Variants in GALNT15 observed in about 807,000 individuals in gnomAD.
GALNT15 encodes UDP-GalNAc transferase T15.
In GALNT15, 67 loss-of-function variants were observed where a neutral mutation model predicts 66.8. That is an observed-to-expected ratio of 1.00 (90% CI 0.82 to 1.23). GALNT15 has a LOEUF of 1.23. GALNT15 is among the 50% of genes most tolerant of loss of function. The pLI, the probability that GALNT15 is intolerant of heterozygous loss-of-function variation, is 0.00. For missense variants in GALNT15, 827 were observed against 804.3 expected, an observed-to-expected ratio of 1.03 and a Z score of -0.34; for synonymous variants, 313 against 311.5, an observed-to-expected ratio of 1.00 and a Z score of -0.05.
chr3:16,239,654 C>T, the GALNT15 span, among the ~76,000 whole-genome samples: 7 of 152,322 alleles, frequency 4.6e-5, no homozygotes, highest in South Asian at 1.4e-3. This position sits in a 1 kb window ranked among gnomAD's most constrained non-coding sequence, Gnocchi z 5.2. Flanking sequence ...ATTTCTTTTA[C>T]TGCACAGCTT....
Position 16,201,071 on chromosome 3 carries a change from G to A in GALNT15, c.911+248G>A, listed in dbSNP as rs778321834. Among the ~76,000 whole-genome samples, 29 of 152,212 alleles carry A rather than the reference G, an allele frequency of 1.9e-4. 1 individual carries two copies. Among genetic ancestry groups the A allele is most frequent in the Non-Finnish European group, 4.1e-4 (28 of 68,036 alleles). ...CCGAGGCCTGGAGAACAGCTTCTAT[G>A]AGGTTGCAAATACTTAAAATTGTAT... On this transcript the variant is annotated intron_variant, in intron 3 of 9. Transcript: ENST00000339732.
chr3:16,197,191 C>T (rs1403387602), intron 2 of GALNT15, among the ~76,000 whole-genome samples: 1 of 152,156 alleles, frequency 6.6e-6, no homozygotes, highest in Non-Finnish European at 1.5e-5. Context: ...ACGTCTGTGC[C>T]CCTCGGGAGT....
intron 4 of GALNT15, among the ~76,000 whole-genome samples, chr3:16,210,665 A>C (rs1194802407): frequency 1.3e-5 from 2 of 152,202 alleles, no homozygotes; most frequent in African/African-American, 4.8e-5. Flanking sequence ...TGGATTCATC[A>C]TAGAATTGGG....
the GALNT15 span, among the ~76,000 whole-genome samples, chr3:16,243,401 A>G: frequency 6.6e-6 from 1 of 152,218 alleles, no homozygotes. Context: ...GCCTTGCCAA[A>G]TGGCTCCCAG....
the GALNT15 span, among the ~76,000 whole-genome samples, chr3:16,244,246 A>G: frequency 1.3e-5 from 2 of 152,228 alleles, no homozygotes; most frequent in Non-Finnish European, 2.9e-5. Flanking sequence ...AAGGAAACTG[A>G]CAGAGCTCGC....
intron 1 of GALNT15, among the ~76,000 whole-genome samples, chr3:16,185,615 C>G (rs376654052): frequency 6.6e-6 from 1 of 152,152 alleles, no homozygotes; most frequent in Non-Finnish European, 1.5e-5. Flanking sequence ...AAGGAATCAG[C>G]GTAGACAGTG....
chr3:16,204,481 G>T lies in GALNT15; in HGVS notation c.911+3658G>T, dbSNP rs977010828. ...CTCCCTATGGGCAACTGATTTTAGG[G>T]CAGCCCTGGGAGATGCTGATTGATG... On this transcript the variant is annotated intron_variant, in intron 3 of 9. Transcript: ENST00000339732. This position sits in a 1 kb window ranked among gnomAD's most constrained non-coding sequence, Gnocchi z 4.5. Among the ~76,000 whole-genome samples, 2 of 152,102 alleles carry T rather than the reference G, an allele frequency of 1.3e-5. No individual in the cohort carries two copies. The highest frequency in any genetic ancestry group is 4.8e-5 in the African/African-American group (2 of 41,434).
intron 1 of GALNT15, among the ~76,000 whole-genome samples, chr3:16,194,365 C>T (rs911832925): frequency 3.3e-5 from 5 of 152,178 alleles, no homozygotes; most frequent in Admixed American, 6.5e-5. Context: ...GTCCTTTGCC[C>T]TCTTTTTAAT....
Position 16,188,855 on chromosome 3 carries a change from G to T in GALNT15, c.540-6905G>T, listed in dbSNP as rs888980640. Among the ~76,000 whole-genome samples, 3 of 152,020 alleles carry T rather than the reference G, an allele frequency of 2.0e-5. No homozygotes were observed. Among genetic ancestry groups the T allele is most frequent in the African/African-American group, 7.3e-5 (3 of 41,352 alleles). ...GGTCCTTAGCACCATTTCCCTCTCT[G>T]TCCTCACTTCCACCTCCCTCCTTGT... On this transcript the variant is annotated intron_variant, in intron 1 of 9. Transcript: ENST00000339732. This position sits in a 1 kb window ranked among gnomAD's most constrained non-coding sequence, Gnocchi z 4.6.
intron 1 of GALNT15, among the ~76,000 whole-genome samples, chr3:16,178,992 A>G (rs376177474): frequency 3.3e-5 from 5 of 152,234 alleles, no homozygotes; most frequent in Non-Finnish European, 7.3e-5. Context: ...CCCCCTGCCC[A>G]GGCCACAGGC....
At position 16,184,731 on chromosome 3, in the gene GALNT15, C is replaced by T. The variant is rs114506011; in HGVS notation, c.539+9041C>T. Among the ~76,000 whole-genome samples the T allele has an allele frequency of 0.02, 3,041 of 152,280 alleles. 111 individuals carry two copies. The highest frequency in any genetic ancestry group is 0.069 in the African/African-American group (2,857 of 41,542). On this transcript the variant is annotated intron_variant, in intron 1 of 9. Coordinates refer to ENST00000339732, the MANE Select transcript of GALNT15 (RefSeq NM_054110.5). This position sits in a 1 kb window ranked among gnomAD's most constrained non-coding sequence, Gnocchi z 5.0. ...AAGCACGGGTAGGGGCTCAGGAAAG[C>T]GGAGCAGAGATGCCTGAGAGAGGCA... is the stretch of plus-strand genomic sequence containing the variant.
In GALNT15 at chr3:16,209,207, G is replaced by A. The variant is rs1447320739; in HGVS notation, c.1079+537G>A. ...TAAGTAGAAGTACTAGATATCTTAT[G>A]CATAACAAATCACCTCAAACTTGGT... On this transcript the variant is annotated intron_variant, in intron 4 of 9. Transcript: ENST00000339732. This position sits in a 1 kb window ranked among gnomAD's most constrained non-coding sequence, Gnocchi z 4.1. 6.6e-6 allele frequency among the ~76,000 whole-genome samples: 1 copy of A among 152,158 alleles called. No individual in the cohort carries two copies. Among genetic ancestry groups the A allele is most frequent in the East Asian group, 1.9e-4 (1 of 5,198 alleles).
intron 3 of GALNT15, among the ~76,000 whole-genome samples, chr3:16,206,691 A>G (rs979324541): frequency 7.3e-5 from 11 of 151,504 alleles, no homozygotes; most frequent in Non-Finnish European, 1.5e-4. Context: ...AAAAAAAAAA[A>G]AAAAGAAAGA....
intron 2 of GALNT15, among the ~76,000 whole-genome samples, chr3:16,196,336 T>C (rs2063637682): frequency 6.6e-6 from 1 of 152,150 alleles, no homozygotes; most frequent in Non-Finnish European, 1.5e-5. Flanking sequence ...CATACGCACA[T>C]ATGTGTATCG....
chr3:16,228,960 A>C lies in GALNT15; in HGVS notation c.*1460A>C, dbSNP rs2064053054. The C allele has an allele frequency of 4.1e-6, 4 of 985,312 alleles. No individual in the cohort carries two copies. Among genetic ancestry groups the C allele is most frequent in the Non-Finnish European group, 4.8e-6 (4 of 829,946 alleles). 61.0% of individuals were successfully genotyped at this position (985,312 alleles called of 1,614,324 possible). A position where few individuals can be genotyped will look rare whatever the true frequency, so the allele number is the denominator to read the frequency against. ...GAGCTAAATGACTTTCCTTGCTATG[A>C]CTTGGCTTACCTGAATTAGCTGTAA... On this transcript the variant is annotated 3_prime_UTR_variant, in exon 10 of 10. Transcript: ENST00000339732.
At chr3:16,244,081 ACAAT>A in the GALNT15 span, 1 of 854,312 alleles carries the variant, frequency 1.2e-6, no homozygotes, top group Non-Finnish European at 1.4e-6. Context: ...GCTCAAAGTA[ACAAT>A]CAAGACAGAA....
chr3:16,227,628 A>C lies in GALNT15; in HGVS notation c.*128A>C. The C allele has an allele frequency of 2.0e-6, 3 of 1,533,086 alleles. No individual in the cohort carries two copies. Among genetic ancestry groups the C allele is most frequent in the Non-Finnish European group, 2.6e-6 (3 of 1,149,796 alleles). 95.0% of individuals were successfully genotyped at this position (1,533,086 alleles called of 1,614,324 possible). Reference sequence around the variant, plus strand: ...TGCTCCTGGTGTTAGGAGAGAAAAAAGCTCTATGAAAGAATATAGGAAGTT... The same window carrying C: ...TGCTCCTGGTGTTAGGAGAGAAAAACGCTCTATGAAAGAATATAGGAAGTT... On this transcript the variant is annotated 3_prime_UTR_variant, in exon 10 of 10. Coordinates refer to ENST00000339732, the MANE Select transcript of GALNT15 (RefSeq NM_054110.5). This position sits in a 1 kb window ranked among gnomAD's most constrained non-coding sequence, Gnocchi z 4.5.
chr3:16,213,686 AG>A (rs1253671406), intron 6 of GALNT15, among the ~76,000 whole-genome samples: 1 of 152,246 alleles, frequency 6.6e-6, no homozygotes, highest in African/African-American at 2.4e-5. Context: ...ACAGTCCTGG[AG>A]CAGCTCCCAC....
chr3:16,224,945 C>T lies in GALNT15; in HGVS notation c.1773+2187C>T, dbSNP rs2063989973. On this transcript the variant is annotated intron_variant, in intron 9 of 9. Transcript: ENST00000339732. This position sits in a 1 kb window ranked among gnomAD's most constrained non-coding sequence, Gnocchi z 5.2. ...AGCCACCACACCAGGCCTATTAGGC[C>T]ATTCTTGCATTGCTATAAAGAAATA... Among the ~76,000 whole-genome samples the T allele has an allele frequency of 6.6e-6, 1 of 152,022 alleles. No homozygotes were observed. Among genetic ancestry groups the T allele is most frequent in the Non-Finnish European group, 1.5e-5 (1 of 68,000 alleles).
Sources: gnomAD v4.1 joint callset for allele counts (sites outside exome capture counted in the v4.1 genomes callset) on GRCh38, gnomAD v4.1.1 for gene constraint, Gnocchi (gnomAD v3.1) non-coding constraint, MANE v1.5 for transcripts, NCBI Gene and HGNC (gene_info 2026-07-23, HGNC 2026-07-21) for gene names.